Variants in FSTL4 observed in about 807,000 individuals in gnomAD.
FSTL4 encodes the protein follistatin like 4.
In FSTL4, 28 loss-of-function variants were observed where a neutral mutation model predicts 78.2. That is an observed-to-expected ratio of 0.36 (90% CI 0.27 to 0.49). The LOEUF is 0.49. Ranked by LOEUF, FSTL4 falls within the 20% of genes least tolerant of loss-of-function variation. FSTL4 has a pLI of 0.98. For synonymous variants in FSTL4, 422 were observed against 440.5 expected, an observed-to-expected ratio of 0.96 and a Z score of 0.53; for missense variants, 922 against 1,084.9, an observed-to-expected ratio of 0.85 and a Z score of 2.11.
At chr5:133,319,910 C>T (rs1754004155) in intron 4 of FSTL4, among the ~76,000 whole-genome samples, 1 of 152,210 alleles carries the variant, frequency 6.6e-6, no homozygotes, top group Non-Finnish European at 1.5e-5. Flanking sequence ...TCCTCTGGTG[C>T]CCGACAGCAC....
chr5:133,686,901 C>A, the FSTL4 span, among the ~76,000 whole-genome samples: 1 of 152,184 alleles, frequency 6.6e-6, no homozygotes, highest in South Asian at 2.1e-4. Context: ...GTGTGGGGAG[C>A]AGCCAGGCAT....
chr5:133,792,025 C>G, the FSTL4 span, among the ~76,000 whole-genome samples: 1 of 152,198 alleles, frequency 6.6e-6, no homozygotes, highest in Non-Finnish European at 1.5e-5. Flanking sequence ...CAAAAGCAAA[C>G]CTTAGTTTTG....
chr5:133,648,640 A>T, the FSTL4 span, among the ~76,000 whole-genome samples: 25 of 152,188 alleles, frequency 1.6e-4, no homozygotes, highest in Non-Finnish European at 3.4e-4. Flanking sequence ...CCGGGCTTCA[A>T]AGGGTCTGTT....
In FSTL4 at chr5:133,201,987, G is replaced by A. The variant is rs1750336746; in HGVS notation, c.1772C>T (p.Ala591Val). 1.2e-6 allele frequency: 2 copies of A among 1,612,198 alleles called. No individual in the cohort carries two copies. Among genetic ancestry groups the A allele is most frequent in the Admixed American group, 1.7e-5 (1 of 59,914 alleles). Residue 591 changes from alanine to valine, a missense_variant, in exon 15 of 16, where the codon GCA becomes GTA. Physicochemically the swap from Ala to Val is moderately conservative, Grantham distance 64. Coordinates refer to ENST00000265342, the MANE Select transcript of FSTL4 (RefSeq NM_015082.2). ...GGGAATGAAGAAATCATCCACTCCTGCAAAGGGTGTGCGGATGAGGTGCTG... is the reference window on the plus strand; with the variant it reads ...GGGAATGAAGAAATCATCCACTCCTACAAAGGGTGTGCGGATGAGGTGCTG... Reference protein sequence around the residue: ...QSQHLIRTPFAGVDDFFIPPT... With the variant: ...QSQHLIRTPFVGVDDFFIPPT...
chr5:133,634,787 A>G, the FSTL4 span, among the ~76,000 whole-genome samples: 1 of 152,154 alleles, frequency 6.6e-6, no homozygotes, highest in African/African-American at 2.4e-5. Flanking sequence ...ACTACATGAT[A>G]AGGTTCTCAT....
chr5:133,579,997 G>A (rs1442589156), intron 2 of FSTL4, among the ~76,000 whole-genome samples: 1 of 152,148 alleles, frequency 6.6e-6, no homozygotes, highest in East Asian at 1.9e-4. Flanking sequence ...GCGTCTGATT[G>A]GGATAAGCTG....
chr5:133,442,077 G>A (rs983302704), intron 3 of FSTL4, among the ~76,000 whole-genome samples: 1 of 152,210 alleles, frequency 6.6e-6, no homozygotes, highest in Admixed American at 6.5e-5. Context: ...ATGCAGGTCA[G>A]AGGCAGGGCC....
intron 3 of FSTL4, among the ~76,000 whole-genome samples, chr5:133,420,082 C>T (rs778526566): frequency 2.6e-5 from 4 of 152,144 alleles, no homozygotes; most frequent in South Asian, 2.1e-4. Context: ...ATAACAGGAA[C>T]GAGCAATGGA....
At chr5:133,422,414 G>A (rs975787211) in intron 3 of FSTL4, among the ~76,000 whole-genome samples, 16 of 152,184 alleles carry the variant, frequency 1.1e-4, no homozygotes, top group African/African-American at 3.6e-4. Flanking sequence ...GAGGAAGAGC[G>A]GAGGGCTTGG....
chr5:133,792,436 GC>G, the FSTL4 span, among the ~76,000 whole-genome samples: 1 of 152,176 alleles, frequency 6.6e-6, no homozygotes, highest in Non-Finnish European at 1.5e-5. Context: ...TTATCTTCCA[GC>G]CCTGCCCTGC....
chr5:133,331,120 G>A lies in FSTL4; in HGVS notation c.410-14468C>T, dbSNP rs542946839. Among the ~76,000 whole-genome samples the A allele has an allele frequency of 2.3e-4, 35 of 152,280 alleles. No individual in the cohort carries two copies. The East Asian group carries it at 2.9e-3, about 13-fold the overall frequency. ...CACTGGGGTAGAGACAGCAAGCCCC[G>A]CTGAGAGGGAAAGCAGCCCCGCATA... On this transcript the variant is annotated intron_variant, in intron 4 of 15. Coordinates refer to ENST00000265342, the MANE Select transcript of FSTL4 (RefSeq NM_015082.2).
At chr5:133,454,447 C>G (rs890220836) in intron 3 of FSTL4, among the ~76,000 whole-genome samples, 1 of 152,130 alleles carries the variant, frequency 6.6e-6, no homozygotes, top group Non-Finnish European at 1.5e-5. Context: ...CCAGCGATAC[C>G]CCTTCCTCCA....
At chr5:133,830,667 AG>A in the FSTL4 span, among the ~76,000 whole-genome samples, 1 of 152,120 alleles carries the variant, frequency 6.6e-6, no homozygotes, top group African/African-American at 2.4e-5. Flanking sequence ...GAAAGGACAG[AG>A]CTGGCACCTG....
At chr5:133,713,487 G>C in the FSTL4 span, among the ~76,000 whole-genome samples, 2 of 152,204 alleles carry the variant, frequency 1.3e-5, no homozygotes, top group African/African-American at 4.8e-5. Flanking sequence ...GTGATGCAGA[G>C]AACTTGAGAT....
intron 3 of FSTL4, among the ~76,000 whole-genome samples, chr5:133,498,192 G>C (rs1013945107): frequency 5.3e-5 from 8 of 152,174 alleles, no homozygotes; most frequent in South Asian, 2.1e-4. Context: ...GCCTCTCCAA[G>C]CTCTTCTCCT....
chr5:133,268,934 T>C (rs548297545), intron 6 of FSTL4, among the ~76,000 whole-genome samples: 1 of 151,880 alleles, frequency 6.6e-6, no homozygotes, highest in African/African-American at 2.4e-5. Flanking sequence ...GTAATCCCAG[T>C]ATTTTGGGAG....
chr5:133,459,269 C>T (rs1214073176), intron 3 of FSTL4, among the ~76,000 whole-genome samples: 1 of 152,154 alleles, frequency 6.6e-6, no homozygotes, highest in African/African-American at 2.4e-5. Context: ...CCCGAGAGTG[C>T]TTTCCCTTTC....
the FSTL4 span, among the ~76,000 whole-genome samples, chr5:133,767,786 G>T: frequency 6.6e-6 from 1 of 152,220 alleles, no homozygotes; most frequent in South Asian, 2.1e-4. Flanking sequence ...CACACAGGCA[G>T]CTGTGCAAAG....
chr5:133,725,106 A>G, the FSTL4 span, among the ~76,000 whole-genome samples: 1 of 152,158 alleles, frequency 6.6e-6, no homozygotes, highest in African/African-American at 2.4e-5. Flanking sequence ...TGCCATCTTG[A>G]TTACTGTAGC....
Sources: gnomAD v4.1 joint callset for allele counts (sites outside exome capture counted in the v4.1 genomes callset) on GRCh38, gnomAD v4.1.1 for gene constraint, MANE v1.5 for transcripts, NCBI Gene and HGNC (gene_info 2026-07-23, HGNC 2026-07-21) for gene names.